PAFAH1B1: variants seen among roughly 807,000 people sequenced by gnomAD.
PAFAH1B1 encodes platelet-activating factor acetylhydrolase IB subunit beta.
PAFAH1B1 carries 2 observed loss-of-function variants against 57.5 expected under a neutral mutation model. The ratio of observed to expected loss-of-function variants is 0.03; its 90% confidence interval spans 0.01 to 0.11. The LOEUF is 0.11. Among genes scored for constraint, PAFAH1B1 ranks in the 10% least tolerant of loss-of-function variants. PAFAH1B1 has a pLI of 1.00. For missense variants in PAFAH1B1, 257 were observed against 512.0 expected (o/e 0.50, Z 4.81); for synonymous variants, 152 against 169.6 (o/e 0.90, Z 0.81).
intron 2 of PAFAH1B1, among the ~76,000 whole-genome samples, chr17:2,654,286 TTCAA>T (rs2068907798): frequency 6.6e-6 from 1 of 151,564 alleles, no homozygotes; most frequent in African/African-American, 2.4e-5. Flanking sequence ...GTCTCCCAGG[TTCAA>T]TCAATTCTCC....
upstream of PAFAH1B1, chr17:2,593,616 G>GCGGCGGCGGCGC (rs1555520030): frequency 3.1e-5 from 7 of 223,622 alleles, no homozygotes; most frequent in African/African-American, 1.6e-4. Context: ...GGCGGCGGCG[G>GCGGCGGCGGCGC]CGCGGTGACG....
intron 1 of PAFAH1B1, among the ~76,000 whole-genome samples, chr17:2,606,810 CTTTTTTTTTTTTTTT>C (rs770011553): frequency 2.0e-5 from 2 of 101,714 alleles, no homozygotes; most frequent in Admixed American, 1.0e-4. Context: ...TGCCTCAGAG[CTTTTTTTTTTTTTTT>C]TTTTTTTTTT....
intron 10 of PAFAH1B1, 48 bp downstream of exon 10, chr17:2,680,368 G>A (rs369572056): frequency 3.9e-6 from 6 of 1,534,054 alleles, no homozygotes; most frequent in Non-Finnish European, 5.4e-6. Flanking sequence ...TGGAGTGCCA[G>A]ACAAACTGTG....
At chr17:2,623,752 A>G (rs2068453430) in intron 1 of PAFAH1B1, among the ~76,000 whole-genome samples, 1 of 96,900 alleles carries the variant, frequency 1.0e-5, no homozygotes, top group Non-Finnish European at 2.5e-5. Context: ...CTCAGCCTCC[A>G]GGTAGCTGGG....
At chr17:2,654,181 C>T (rs2151647940) in intron 2 of PAFAH1B1, among the ~76,000 whole-genome samples, 1 of 101,448 alleles carries the variant, frequency 9.9e-6, no homozygotes. Context: ...TCCCTGTTGT[C>T]TTTTAAACCT....
At chr17:2,666,625 T>C (rs189741558) in intron 4 of PAFAH1B1, among the ~76,000 whole-genome samples, 15 of 152,272 alleles carry the variant, frequency 9.9e-5, no homozygotes, top group Non-Finnish European at 1.9e-4. Context: ...ATTATTACCA[T>C]ATATAATGTG....
chr17:2,656,379 G>A (rs1217968482), intron 2 of PAFAH1B1, among the ~76,000 whole-genome samples: 3 of 152,002 alleles, frequency 2.0e-5, no homozygotes, highest in African/African-American at 7.2e-5. Flanking sequence ...GAGCCCAGGA[G>A]CTTGAGGATG....
intron 1 of PAFAH1B1, among the ~76,000 whole-genome samples, chr17:2,598,075 C>T (rs945517546): frequency 6.6e-6 from 1 of 151,864 alleles, no homozygotes; most frequent in South Asian, 2.1e-4. Context: ...GGTGAAACCC[C>T]GTCTCTACTA....
At chr17:2,611,714 C>T (rs764192005) in intron 1 of PAFAH1B1, among the ~76,000 whole-genome samples, 20 of 152,100 alleles carry the variant, frequency 1.3e-4, no homozygotes, top group Non-Finnish European at 2.5e-4. Context: ...TCTCAGAACA[C>T]AGTAAGTTTT....
At position 2,638,255 on chromosome 17, in the gene PAFAH1B1, C is replaced by G; in HGVS notation, c.-34C>G. On this transcript the variant is annotated 5_prime_UTR_variant, in exon 2 of 11. Transcript: ENST00000397195. ...TTGATTTCCCAAAGGAGGGACATAC[C>G]ACTATATCAGATAAGCTTGACATTA... 6.3e-7 allele frequency: 1 copy of G among 1,594,338 alleles called. No individual in the cohort carries two copies. The highest frequency in any genetic ancestry group is 8.6e-7 in the Non-Finnish European group (1 of 1,163,736).
intron 1 of PAFAH1B1, among the ~76,000 whole-genome samples, chr17:2,594,795 C>A (rs2068066880): frequency 6.6e-6 from 1 of 152,236 alleles, no homozygotes; most frequent in Admixed American, 6.5e-5. Flanking sequence ...TTCGTCTAAT[C>A]TCATCTCCCT....
At chr17:2,675,634 C>T (rs1325761543) in intron 8 of PAFAH1B1, among the ~76,000 whole-genome samples, 2 of 145,808 alleles carry the variant, frequency 1.4e-5, no homozygotes, top group African/African-American at 2.5e-5. Flanking sequence ...CTACAGAAAA[C>T]TTTTTTTTTT....
At chr17:2,651,413 CAAA>C (rs1157501996) in intron 2 of PAFAH1B1, among the ~76,000 whole-genome samples, 3 of 53,332 alleles carry the variant, frequency 5.6e-5, no homozygotes, top group South Asian at 5.5e-4. Flanking sequence ...CCCGTCTCTA[CAAA>C]AAAAAAAAAA....
At chr17:2,668,237 A>G (rs2069134886) in intron 5 of PAFAH1B1, among the ~76,000 whole-genome samples, 1 of 151,958 alleles carries the variant, frequency 6.6e-6, no homozygotes, top group South Asian at 2.1e-4. Flanking sequence ...GAGGCAGGAA[A>G]TTCGCTTGAA....
rs146113696 is a variant in PAFAH1B1, at chr17:2,628,195, T to C, written c.-190-9904T>C. Among the ~76,000 whole-genome samples, 27 of 152,332 alleles carry C rather than the reference T, an allele frequency of 1.8e-4. No homozygotes were observed. In the East Asian group the frequency reaches 5.0e-3, roughly 28 times the overall value. ...ATGCTTTCAACTTTTCCCCTTTCAT[T>C]ATTATGTTGGCTGTGGGTTTGTCAT... On this transcript the variant is annotated intron_variant, in intron 1 of 10. Transcript: ENST00000397195.
At chr17:2,597,816 G>A (rs1392549086) in intron 1 of PAFAH1B1, among the ~76,000 whole-genome samples, 4 of 151,854 alleles carry the variant, frequency 2.6e-5, no homozygotes, top group Admixed American at 6.6e-5. Context: ...GTCTGTCTGC[G>A]TATATGAGAC....
At chr17:2,677,112 C>A (rs1171221707) in intron 9 of PAFAH1B1, among the ~76,000 whole-genome samples, 1 of 152,144 alleles carries the variant, frequency 6.6e-6, no homozygotes, top group Non-Finnish European at 1.5e-5. Flanking sequence ...GAGATTGTGC[C>A]ACTGCACTCC....
At chr17:2,607,440 G>A (rs753295993) in intron 1 of PAFAH1B1, among the ~76,000 whole-genome samples, 2 of 150,986 alleles carry the variant, frequency 1.3e-5, no homozygotes, top group Non-Finnish European at 3.0e-5. Context: ...CTCCCAAAGC[G>A]CTGGGATTAC....
intron 1 of PAFAH1B1, among the ~76,000 whole-genome samples, chr17:2,632,773 G>T (rs1046654213): frequency 6.6e-6 from 1 of 152,142 alleles, no homozygotes; most frequent in Non-Finnish European, 1.5e-5. Context: ...TATAGGGGAA[G>T]ATATGCATAG....
Sources: allele counts gnomAD v4.1 joint callset (sites outside exome capture counted in the v4.1 genomes callset), GRCh38; gene constraint gnomAD v4.1.1; transcripts MANE v1.5; gene names NCBI Gene and HGNC (gene_info 2026-07-23, HGNC 2026-07-21).